THSD7A: variants seen among roughly 807,000 people sequenced by gnomAD.
THSD7A encodes thrombospondin type-1 domain-containing protein 7A.
THSD7A carries 96 observed loss-of-function variants against 231.3 expected under a neutral mutation model. The observed-to-expected ratio is 0.41, with a 90% CI of 0.35 to 0.49. The LOEUF is 0.49. Ranked by LOEUF, THSD7A falls within the 20% of genes least tolerant of loss-of-function variation. The pLI, the probability that THSD7A is intolerant of heterozygous loss-of-function variation, is 0.05. For synonymous variants in THSD7A, 940 were observed against 743.3 expected (o/e 1.26, Z -4.30); for missense variants, 2,290 against 2,070.2 (o/e 1.11, Z -2.06).
chr7:11,659,520 CAGAT>C (rs1782843438), intron 1 of THSD7A, among the ~76,000 whole-genome samples: 1 of 151,352 alleles, frequency 6.6e-6, no homozygotes, highest in Non-Finnish European at 1.5e-5. Context: ...CATTTTCTCT[CAGAT>C]AGATCTCTTC....
At chr7:11,522,835 A>G (rs1367778307) in intron 6 of THSD7A, among the ~76,000 whole-genome samples, 1 of 152,152 alleles carries the variant, frequency 6.6e-6, no homozygotes, top group Non-Finnish European at 1.5e-5. Flanking sequence ...ATATCAATTC[A>G]TAGCACACAT....
At chr7:11,660,462 C>A (rs1407654757) in intron 1 of THSD7A, among the ~76,000 whole-genome samples, 1 of 151,108 alleles carries the variant, frequency 6.6e-6, no homozygotes, top group Non-Finnish European at 1.5e-5. Context: ...TATGTTATGC[C>A]ATATTTTGAT....
At chr7:11,376,145 G>A (rs1782263472) in intron 27 of THSD7A, among the ~76,000 whole-genome samples, 2 of 151,958 alleles carry the variant, frequency 1.3e-5, no homozygotes, top group African/African-American at 4.8e-5. Context: ...ATTAACAACA[G>A]AAATAAAATC....
At chr7:11,511,288 A>G (rs11982949) in intron 6 of THSD7A, among the ~76,000 whole-genome samples, 2,541 of 152,328 alleles carry the variant, frequency 0.017, 63 homozygotes, top group African/African-American at 0.057. Context: ...AAAAGAGGAC[A>G]CAAACAAATG....
chr7:11,421,486 T>C (rs2115407704), intron 16 of THSD7A, among the ~76,000 whole-genome samples: 1 of 152,322 alleles, frequency 6.6e-6, no homozygotes, highest in East Asian at 1.9e-4. Flanking sequence ...TAAACCTCTT[T>C]TCTTTATAAA....
intron 1 of THSD7A, among the ~76,000 whole-genome samples, chr7:11,709,085 C>G (rs1399731722): frequency 6.6e-6 from 1 of 150,738 alleles, no homozygotes; most frequent in Admixed American, 6.6e-5. Flanking sequence ...TATAATCCTG[C>G]TCTTATGTAA....
At chr7:11,651,437 T>G (rs1782496815) in intron 1 of THSD7A, among the ~76,000 whole-genome samples, 1 of 151,922 alleles carries the variant, frequency 6.6e-6, no homozygotes, top group Admixed American at 6.6e-5. Flanking sequence ...AATAGTAAAT[T>G]TTATGTTTTC....
intron 2 of THSD7A, among the ~76,000 whole-genome samples, chr7:11,610,365 A>G (rs1780881986): frequency 6.6e-6 from 1 of 152,154 alleles, no homozygotes; most frequent in Non-Finnish European, 1.5e-5. Context: ...TACAATGTAC[A>G]TTCATTTGAT....
chr7:11,662,996 T>A (rs1008239278), intron 1 of THSD7A, among the ~76,000 whole-genome samples: 1 of 150,986 alleles, frequency 6.6e-6, no homozygotes, highest in Non-Finnish European at 1.5e-5. Context: ...AGTATTCATA[T>A]AAAGAAATTA....
intron 1 of THSD7A, among the ~76,000 whole-genome samples, chr7:11,779,970 T>G (rs190658105): frequency 6.6e-6 from 1 of 152,212 alleles, no homozygotes; most frequent in Non-Finnish European, 1.5e-5. Context: ...AAATTAAGGC[T>G]GCTATAACAA....
intron 19 of THSD7A, among the ~76,000 whole-genome samples, chr7:11,409,904 G>A (rs1220597526): frequency 3.3e-5 from 5 of 152,072 alleles, no homozygotes; most frequent in South Asian, 4.2e-4. Flanking sequence ...CACCACGCCC[G>A]GCTAATTTTG....
chr7:11,698,367 C>A (rs973248199), intron 1 of THSD7A, among the ~76,000 whole-genome samples: 3 of 150,948 alleles, frequency 2.0e-5, no homozygotes, highest in African/African-American at 7.3e-5. Context: ...TTGGCAAATA[C>A]AATACGGTAT....
intron 1 of THSD7A, among the ~76,000 whole-genome samples, chr7:11,737,499 C>T (rs181242689): frequency 2.0e-5 from 3 of 152,132 alleles, no homozygotes; most frequent in East Asian, 3.9e-4. Context: ...ACTACACTCA[C>T]GCAGTTCCTG....
chr7:11,677,359 C>T (rs11767686), intron 1 of THSD7A, among the ~76,000 whole-genome samples: 3 of 151,874 alleles, frequency 2.0e-5, no homozygotes, highest in Non-Finnish European at 4.4e-5. Flanking sequence ...ACTGCATCAA[C>T]TAATGGGCAA....
intron 6 of THSD7A, among the ~76,000 whole-genome samples, chr7:11,526,794 G>A (rs1184270203): frequency 6.6e-6 from 1 of 152,080 alleles, no homozygotes; most frequent in African/African-American, 2.4e-5. Context: ...GGCCTCTTCA[G>A]GTATGTGGAA....
At chr7:11,559,347 G>A (rs919258380) in intron 4 of THSD7A, among the ~76,000 whole-genome samples, 5 of 152,144 alleles carry the variant, frequency 3.3e-5, no homozygotes, top group African/African-American at 1.2e-4. Context: ...AATACACACA[G>A]TTATAAATAA....
rs1000930382 is a variant in THSD7A, at chr7:11,373,308, T to C, written c.*2486A>G. 5 of 152,020 alleles carry C rather than the reference T, an allele frequency of 3.3e-5. No individual in the cohort carries two copies. The highest frequency in any genetic ancestry group is 1.2e-4 in the African/African-American group (5 of 41,440). 9.4% of individuals were successfully genotyped at this position (152,020 alleles called of 1,614,324 possible). A position where few individuals can be genotyped will look rare whatever the true frequency, so the allele number is the denominator to read the frequency against. On this transcript the variant is annotated 3_prime_UTR_variant, in exon 28 of 28. Coordinates refer to ENST00000423059, the MANE Select transcript of THSD7A (RefSeq NM_015204.3). Reference sequence around the variant, plus strand: ...TGTTGCACACATTTCATAAGAGGGTTAGCTGAATTTTTCAAGTAACCACAA... The same window carrying C: ...TGTTGCACACATTTCATAAGAGGGTCAGCTGAATTTTTCAAGTAACCACAA...
intron 2 of THSD7A, among the ~76,000 whole-genome samples, chr7:11,628,125 A>T (rs1019791786): frequency 6.6e-6 from 1 of 152,208 alleles, no homozygotes. Context: ...TATATAACTT[A>T]TAAATAAATA....
intron 4 of THSD7A, among the ~76,000 whole-genome samples, chr7:11,558,880 T>C (rs1305980626): frequency 1.3e-5 from 2 of 152,170 alleles, no homozygotes; most frequent in Admixed American, 1.3e-4. Context: ...AAACTTGAGA[T>C]GGGGAAAGTA....
Sources: allele counts gnomAD v4.1 joint callset (sites outside exome capture counted in the v4.1 genomes callset), GRCh38; gene constraint gnomAD v4.1.1; transcripts MANE v1.5; gene names NCBI Gene and HGNC (gene_info 2026-07-23, HGNC 2026-07-21).